MAP4K4: variants seen among roughly 807,000 people sequenced by gnomAD.
MAP4K4 encodes the protein HPK/GCK-like kinase HGK.
Under a neutral mutation model 189.6 loss-of-function variants are expected in MAP4K4, and 38 were observed. That is an observed-to-expected ratio of 0.20 (90% confidence interval 0.15 to 0.26). The LOEUF (loss-of-function observed/expected upper bound fraction) is 0.26, where lower values mean the gene tolerates loss of function less well. Ranked by LOEUF, MAP4K4 falls within the 10% of genes least tolerant of loss-of-function variation. The pLI is 1.00. For synonymous variants in MAP4K4, 610 were observed against 624.3 expected (o/e 0.98, Z 0.34); for missense variants, 1,054 against 1,726.9 (o/e 0.61, Z 6.91).
chr2:101,827,340 A>G (rs1043413163), intron 5 of MAP4K4, among the ~76,000 whole-genome samples: 2 of 152,126 alleles, frequency 1.3e-5, no homozygotes, highest in African/African-American at 4.8e-5. Context: ...AAAACAAGCA[A>G]ATGCCTCAGG....
intron 16 of MAP4K4, 54 bp from the exon 17 acceptor site, chr2:101,863,767 A>G: frequency 8.0e-7 from 1 of 1,252,062 alleles, no homozygotes; most frequent in South Asian, 1.2e-5. Flanking sequence ...TTGACCAGAA[A>G]AGCCAGTTTT....
intron 20 of MAP4K4, 117 bp downstream of exon 20, chr2:101,867,426 G>A: frequency 1.5e-6 from 1 of 681,426 alleles, no homozygotes; most frequent in Non-Finnish European, 2.5e-6. Flanking sequence ...ACAGATTTGA[G>A]GAATTATAAG....
At chr2:101,788,440 A>G (rs1219035813) in intron 2 of MAP4K4, among the ~76,000 whole-genome samples, 1 of 152,216 alleles carries the variant, frequency 6.6e-6, no homozygotes, top group Non-Finnish European at 1.5e-5. Flanking sequence ...TCCTGAGGAA[A>G]TAGAGTGATG....
At chr2:101,715,369 A>G (rs114771457) in intron 2 of MAP4K4, among the ~76,000 whole-genome samples, 1 of 152,222 alleles carries the variant, frequency 6.6e-6, no homozygotes, top group Admixed American at 6.5e-5. Context: ...TCAACATGTC[A>G]GTAATTTTTG....
intron 5 of MAP4K4, among the ~76,000 whole-genome samples, chr2:101,828,448 G>C (rs913751834): frequency 6.6e-6 from 1 of 152,188 alleles, no homozygotes; most frequent in African/African-American, 2.4e-5. Flanking sequence ...GTGCTTTGCG[G>C]TATAATACCG....
intron 2 of MAP4K4, among the ~76,000 whole-genome samples, chr2:101,771,713 G>T (rs967608977): frequency 7.9e-5 from 12 of 152,182 alleles, no homozygotes; most frequent in African/African-American, 2.9e-4. Context: ...AATTAATGAG[G>T]CCAGATTGAT....
chr2:101,759,492 TCTC>T (rs2074755734), intron 2 of MAP4K4, among the ~76,000 whole-genome samples: 3 of 20,784 alleles, frequency 1.4e-4, no homozygotes, highest in Non-Finnish European at 2.7e-4. Context: ...TCCCCTCCCC[TCTC>T]CTCCCCTCTC....
intron 18 of MAP4K4, among the ~76,000 whole-genome samples, chr2:101,866,218 C>A (rs1436466517): frequency 6.6e-6 from 1 of 152,164 alleles, no homozygotes; most frequent in Non-Finnish European, 1.5e-5. Context: ...GGTAGGATAT[C>A]ATTTAGCATA....
intron 2 of MAP4K4, among the ~76,000 whole-genome samples, chr2:101,710,143 G>T (rs2044598030): frequency 6.6e-6 from 1 of 152,108 alleles, no homozygotes. Flanking sequence ...TGTGCATCAA[G>T]GTACTTAATA....
intron 2 of MAP4K4, among the ~76,000 whole-genome samples, chr2:101,711,417 G>A (rs1336773951): frequency 6.6e-6 from 1 of 152,004 alleles, no homozygotes; most frequent in African/African-American, 2.4e-5. Context: ...ACCATGCCTG[G>A]CTAATTTTTG....
chr2:101,731,987 T>G (rs920820590), intron 2 of MAP4K4, among the ~76,000 whole-genome samples: 2 of 152,216 alleles, frequency 1.3e-5, no homozygotes, highest in African/African-American at 4.8e-5. Context: ...TTACCAATAT[T>G]GTGAACCCTT....
At chr2:101,781,574 A>G (rs1002395870) in intron 2 of MAP4K4, among the ~76,000 whole-genome samples, 7 of 152,082 alleles carry the variant, frequency 4.6e-5, no homozygotes, top group African/African-American at 1.7e-4. Flanking sequence ...TTCCCCTTTT[A>G]TAATAAACTT....
intron 2 of MAP4K4, among the ~76,000 whole-genome samples, chr2:101,699,902 G>A (rs777355995): frequency 6.6e-6 from 1 of 151,852 alleles, no homozygotes; most frequent in Non-Finnish European, 1.5e-5. Context: ...ACTGAATTTG[G>A]AAGGCTTTGG....
At chr2:101,767,630 C>G (rs2079187115) in intron 2 of MAP4K4, among the ~76,000 whole-genome samples, 1 of 152,172 alleles carries the variant, frequency 6.6e-6, no homozygotes, top group Non-Finnish European at 1.5e-5. Flanking sequence ...AATGTCTCAC[C>G]TTTAGAGATG....
At chr2:101,753,327 C>G (rs1426726785) in intron 2 of MAP4K4, among the ~76,000 whole-genome samples, 1 of 152,226 alleles carries the variant, frequency 6.6e-6, no homozygotes, top group Non-Finnish European at 1.5e-5. Context: ...GCCCTTTTCC[C>G]TTGCCTACCC....
intron 2 of MAP4K4, among the ~76,000 whole-genome samples, chr2:101,783,880 C>G (rs2089171076): frequency 6.6e-6 from 1 of 152,190 alleles, no homozygotes; most frequent in South Asian, 2.1e-4. Flanking sequence ...ACAAGCTTCT[C>G]TCATCCTTGC....
chr2:101,783,474 G>A (rs1444582817), intron 2 of MAP4K4, among the ~76,000 whole-genome samples: 1 of 152,154 alleles, frequency 6.6e-6, no homozygotes, highest in Non-Finnish European at 1.5e-5. Flanking sequence ...AGACTTCAGA[G>A]TGTGTAAGAA....
chr2:101,856,159 G>A (rs1251512219), intron 13 of MAP4K4, 21 bp downstream of exon 13: 2 of 1,547,034 alleles, frequency 1.3e-6, no homozygotes, highest in East Asian at 2.4e-5. Context: ...AGATAACATA[G>A]CAGGCATACA....
At chr2:101,801,911 A>G (rs890013873) in intron 3 of MAP4K4, among the ~76,000 whole-genome samples, 3 of 152,172 alleles carry the variant, frequency 2.0e-5, no homozygotes, top group Admixed American at 2.0e-4. Flanking sequence ...CTCATTGCTC[A>G]GGCCCAAAAA....
Sources: gnomAD v4.1 joint callset for allele counts (sites outside exome capture counted in the v4.1 genomes callset) on GRCh38, gnomAD v4.1.1 for gene constraint, MANE v1.5 for transcripts, NCBI Gene and HGNC (gene_info 2026-07-23, HGNC 2026-07-21) for gene names.